The following F2RL1 variants were observed in gnomAD, a reference collection of about 807,000 sequenced individuals.
The protein encoded by F2RL1 is F2R like trypsin receptor 1, also known as proteinase-activated receptor 2.
Under a neutral mutation model 21.7 loss-of-function variants are expected in F2RL1, and 16 were observed. The ratio of observed to expected loss-of-function variants is 0.74; its 90% CI spans 0.50 to 1.12. The LOEUF (loss-of-function observed/expected upper bound fraction) is 1.12. F2RL1 is among the 50% of genes most tolerant of loss of function. The probability of loss-of-function intolerance (pLI) is 0.00; values close to 1 mark genes in which losing one functional copy is unlikely to be tolerated. For synonymous variants in F2RL1, 181 were observed against 186.7 expected, an observed-to-expected ratio of 0.97 and a Z score of 0.25; for missense variants, 432 against 477.8, an observed-to-expected ratio of 0.90 and a Z score of 0.89.
chr5:76,820,832 T>C (rs544609300), intron 1 of F2RL1, among the ~76,000 whole-genome samples: 1 of 152,300 alleles, frequency 6.6e-6, no homozygotes, highest in African/African-American at 2.4e-5. Context: ...CCACTTAATA[T>C]TGCACCTTGT....
intron 1 of F2RL1, among the ~76,000 whole-genome samples, chr5:76,829,251 C>T (rs62365146): frequency 1.4e-5 from 2 of 146,804 alleles, no homozygotes; most frequent in Admixed American, 6.7e-5. Context: ...TACCTTTGTT[C>T]TTCTTCTTCT....
chr5:76,830,498 G>C (rs1324087209), intron 1 of F2RL1, among the ~76,000 whole-genome samples: 1 of 152,090 alleles, frequency 6.6e-6, no homozygotes, highest in African/African-American at 2.4e-5. Flanking sequence ...GGCTTGTCTT[G>C]AACTTCTGAC....
At chr5:76,830,917 A>T (rs556629912) in intron 1 of F2RL1, among the ~76,000 whole-genome samples, 3 of 152,184 alleles carry the variant, frequency 2.0e-5, no homozygotes, top group Admixed American at 2.0e-4. Context: ...ACATTATGAG[A>T]TAAGAGCATG....
intron 1 of F2RL1, among the ~76,000 whole-genome samples, chr5:76,823,003 G>A (rs959398149): frequency 6.6e-6 from 1 of 152,146 alleles, no homozygotes; most frequent in African/African-American, 2.4e-5. Context: ...AGTCAAGGCG[G>A]GTGGATCACA....
At chr5:76,819,399 C>T (rs915689910) in intron 1 of F2RL1, 135 bp downstream of exon 1, 1 of 751,186 alleles carries the variant, frequency 1.3e-6, no homozygotes, top group Admixed American at 3.2e-5. Flanking sequence ...ATCCCTTAGC[C>T]TCCCCTTGGT....
At chr5:76,822,414 C>T (rs760883934) in intron 1 of F2RL1, among the ~76,000 whole-genome samples, 7 of 152,180 alleles carry the variant, frequency 4.6e-5, no homozygotes, top group Non-Finnish European at 8.8e-5. Context: ...AACGGGGTTT[C>T]GCCACGTTGG....
intron 1 of F2RL1, among the ~76,000 whole-genome samples, chr5:76,823,913 T>C (rs372799881): frequency 2.0e-5 from 3 of 149,068 alleles, no homozygotes; most frequent in Non-Finnish European, 3.0e-5. Flanking sequence ...CCCGGGTTCA[T>C]GCCATTCTCC....
intron 1 of F2RL1, among the ~76,000 whole-genome samples, chr5:76,827,709 C>T (rs1420153429): frequency 1.4e-5 from 2 of 147,848 alleles, no homozygotes; most frequent in Non-Finnish European, 3.0e-5. Flanking sequence ...AAATGATTCT[C>T]CTGTCTCAGC....
intron 1 of F2RL1, among the ~76,000 whole-genome samples, chr5:76,825,055 G>T (rs1187792395): frequency 1.4e-5 from 2 of 143,490 alleles, no homozygotes; most frequent in Non-Finnish European, 3.0e-5. Context: ...TTGCCAGGCT[G>T]AAGTGCAGTG....
chr5:76,826,866 C>CT lies in F2RL1; in HGVS notation c.83-5816dup, dbSNP rs1193965230. ...TTGATGGACATTTGGATTGTTTCCACTTTTTTTTCCTTTTTTTGAGACAGG... is the reference window on the plus strand; with the variant it reads ...TTGATGGACATTTGGATTGTTTCCACTTTTTTTTTCCTTTTTTTGAGACAGG... On this transcript the variant is annotated intron_variant, in intron 1 of 1. Transcript: ENST00000296677. Among the ~76,000 whole-genome samples, 6 of 150,688 alleles carry CT rather than the reference C, an allele frequency of 4.0e-5. No individual in the cohort carries two copies. The East Asian group carries it at 6.0e-4, about 15-fold the overall frequency.
At chr5:76,824,168 C>G (rs987483826) in intron 1 of F2RL1, among the ~76,000 whole-genome samples, 3 of 147,406 alleles carry the variant, frequency 2.0e-5, no homozygotes, top group African/African-American at 2.5e-5. Flanking sequence ...CACCCCCCCC[C>G]CCTTTTTTTT....
In F2RL1 at chr5:76,832,754, T is replaced by C. The variant is rs1432271785; in HGVS notation, c.147T>C (p.Thr49=). 2 of 1,614,260 alleles carry C rather than the reference T, an allele frequency of 1.2e-6. No homozygotes were observed. The highest frequency in any genetic ancestry group is 1.7e-5 in the Admixed American group (1 of 60,030). ...IGKVDGTSHV[T]GKGVTVETVF... is the part of the protein sequence containing the mutation. ...AGGTTGATGGCACATCCCACGTCAC[T>C]GGAAAAGGAGTTACAGTTGAAACAG... Residue 49 remains threonine, a synonymous_variant, in exon 2 of 2, where the codon ACT becomes ACC. Transcript: ENST00000296677.
chr5:76,831,743 G>A (rs1750353231), intron 1 of F2RL1, among the ~76,000 whole-genome samples: 1 of 152,016 alleles, frequency 6.6e-6, no homozygotes, highest in South Asian at 2.1e-4. Context: ...AGCCAGGCTG[G>A]TCTGAAACTC....
intron 1 of F2RL1, among the ~76,000 whole-genome samples, chr5:76,822,243 A>G (rs1175822983): frequency 3.3e-5 from 5 of 151,984 alleles, no homozygotes; most frequent in African/African-American, 1.2e-4. Context: ...CCTGAGATAG[A>G]ATCTCACTCT....
intron 1 of F2RL1, among the ~76,000 whole-genome samples, chr5:76,825,154 G>A (rs541833404): frequency 2.3e-4 from 35 of 151,870 alleles, no homozygotes; most frequent in African/African-American, 4.8e-4. Context: ...CTACAGGCGC[G>A]TGCACTACAC....
intron 1 of F2RL1, 72 bp from the exon 2 acceptor site, chr5:76,832,618 C>A: frequency 7.2e-7 from 1 of 1,397,074 alleles, no homozygotes; most frequent in Non-Finnish European, 9.7e-7. Flanking sequence ...AATGTACTTT[C>A]ATTTGAACAA....
intron 1 of F2RL1, among the ~76,000 whole-genome samples, chr5:76,821,569 G>GT (rs1402665419): frequency 1.2e-4 from 15 of 127,198 alleles, no homozygotes; most frequent in Admixed American, 7.5e-4. Flanking sequence ...GTTTTTTTTT[G>GT]TTTTTTTGGT....
intron 1 of F2RL1, among the ~76,000 whole-genome samples, chr5:76,823,424 G>A (rs1016450890): frequency 6.7e-6 from 1 of 149,354 alleles, no homozygotes; most frequent in African/African-American, 2.5e-5. Flanking sequence ...AGGCTGGAGG[G>A]CTGGAGTGCA....
intron 1 of F2RL1, 144 bp from the exon 2 acceptor site, chr5:76,832,546 C>A: frequency 1.2e-6 from 1 of 826,894 alleles, no homozygotes; most frequent in Non-Finnish European, 1.8e-6. Context: ...ATGATCGCTC[C>A]ACTACGCTCC....
Sources: gnomAD v4.1 joint callset for allele counts (sites outside exome capture counted in the v4.1 genomes callset) on GRCh38, gnomAD v4.1.1 for gene constraint, MANE v1.5 for transcripts, NCBI Gene and HGNC (gene_info 2026-07-23, HGNC 2026-07-21) for gene names.